TRDN: variants seen among roughly 807,000 people sequenced by gnomAD.
TRDN encodes the protein triadin, also known as triadin in skeletal muscle.
In TRDN, 161 loss-of-function variants were observed where a neutral mutation model predicts 149.7. The observed-to-expected ratio is 1.08, with a 90% CI of 0.95 to 1.23. The LOEUF (loss-of-function observed/expected upper bound fraction) is 1.23. Ranked by LOEUF, TRDN falls within the 50% of genes most tolerant of loss-of-function variation. TRDN has a pLI of 0.00. For synonymous variants in TRDN, 294 were observed against 250.5 expected, an observed-to-expected ratio of 1.17 and a Z score of -1.64; for missense variants, 896 against 823.5, an observed-to-expected ratio of 1.09 and a Z score of -1.08.
chr6:123,438,193 T>A, intron 11 of TRDN, 71 bp from the exon 12 acceptor site: 1 of 1,056,464 alleles, frequency 9.5e-7, no homozygotes, highest in Non-Finnish European at 1.4e-6. Flanking sequence ...CATGCATGAC[T>A]ACCAGTGAGG....
In TRDN at chr6:123,377,640, C is replaced by T. The variant is rs953559899; in HGVS notation, c.1246+76G>A. 7.7e-6 allele frequency: 12 copies of T among 1,557,798 alleles called. No homozygotes were observed. The African/African-American group carries it at 1.5e-4, about 19-fold the overall frequency. On this transcript the variant is annotated intron_variant, in intron 18 of 40. Transcript: ENST00000334268. ...CCCACCCTTTACTGGCGCTGCCTTACCACCTGTTTGAGGCTACAGCATTAA... is the reference window on the plus strand; with the variant it reads ...CCCACCCTTTACTGGCGCTGCCTTATCACCTGTTTGAGGCTACAGCATTAA...
chr6:123,594,850 A>G (rs1298271578), intron 1 of TRDN, among the ~76,000 whole-genome samples: 1 of 152,006 alleles, frequency 6.6e-6, no homozygotes, highest in Non-Finnish European at 1.5e-5. Flanking sequence ...ATCCTGAGAA[A>G]TTCTAAGTTG....
At chr6:123,422,390 G>T (rs1240641253) in intron 12 of TRDN, among the ~76,000 whole-genome samples, 1 of 152,058 alleles carries the variant, frequency 6.6e-6, no homozygotes, top group African/African-American at 2.4e-5. Flanking sequence ...TTGTTACAAG[G>T]TATAGAGTTT....
At chr6:123,285,409 C>T (rs1777768011) in intron 24 of TRDN, among the ~76,000 whole-genome samples, 1 of 151,756 alleles carries the variant, frequency 6.6e-6, no homozygotes. Context: ...TTGCTTTTGA[C>T]AAAGCAAAGT....
intron 38 of TRDN, among the ~76,000 whole-genome samples, chr6:123,247,386 G>A (rs1394972692): frequency 6.6e-6 from 1 of 152,164 alleles, no homozygotes; most frequent in Admixed American, 6.6e-5. Context: ...TAGCTAATAA[G>A]CAACTTCTGC....
intron 23 of TRDN, among the ~76,000 whole-genome samples, chr6:123,320,863 G>A (rs62418755): frequency 0.027 from 4,134 of 151,000 alleles, 107 homozygotes; most frequent in South Asian, 0.09. Context: ...ATCATGAATC[G>A]TATTATATAG....
chr6:123,323,007 C>T (rs1266604671), intron 23 of TRDN, among the ~76,000 whole-genome samples: 1 of 152,042 alleles, frequency 6.6e-6, no homozygotes. Context: ...ATCTTTGGAG[C>T]CTCACTGCCT....
chr6:123,438,963 A>G lies in TRDN; in HGVS notation c.972T>C (p.Thr324=). 1.3e-6 allele frequency: 2 copies of G among 1,562,026 alleles called. No individual in the cohort carries two copies. The highest frequency in any genetic ancestry group is 1.7e-6 in the Non-Finnish European group (2 of 1,151,820). ...GEKKKAEKKV[T]SETKKKEKED... Reference sequence around the variant, plus strand: ...TCCTACCTTTCTTTTTTGTTTCAGAAGTAACTTTCTTCTCAGCCTTCTTCT... The same window carrying G: ...TCCTACCTTTCTTTTTTGTTTCAGAGGTAACTTTCTTCTCAGCCTTCTTCT... Residue 324 remains threonine, a synonymous_variant, in exon 11 of 41, where the codon ACT becomes ACC. Transcript: ENST00000334268.
chr6:123,465,307 A>G (rs1462403900), intron 9 of TRDN, among the ~76,000 whole-genome samples: 1 of 152,124 alleles, frequency 6.6e-6, no homozygotes, highest in Non-Finnish European at 1.5e-5. Context: ...ATACACACTA[A>G]GTTATGGAAA....
chr6:123,372,585 G>A (rs1410560430), intron 19 of TRDN, among the ~76,000 whole-genome samples: 1 of 152,032 alleles, frequency 6.6e-6, no homozygotes, highest in East Asian at 1.9e-4. Context: ...AGGTCCTTGA[G>A]GTGGAATAAA....
intron 6 of TRDN, among the ~76,000 whole-genome samples, chr6:123,512,762 T>C (rs570865309): frequency 6.6e-6 from 1 of 151,434 alleles, no homozygotes; most frequent in South Asian, 2.1e-4. Context: ...TCATACATTT[T>C]TCAATATTTA....
At chr6:123,447,251 C>T (rs957442008) in intron 10 of TRDN, among the ~76,000 whole-genome samples, 7 of 152,204 alleles carry the variant, frequency 4.6e-5, no homozygotes, top group South Asian at 2.1e-4. Context: ...TTTAGTCATA[C>T]AATTTATTCA....
intron 9 of TRDN, among the ~76,000 whole-genome samples, chr6:123,493,572 T>G (rs762260797): frequency 6.6e-6 from 1 of 152,112 alleles, no homozygotes; most frequent in Non-Finnish European, 1.5e-5. Flanking sequence ...GGTGTGACAG[T>G]ACAAAGGAAA....
chr6:123,562,994 T>A (rs1272589730), intron 2 of TRDN, among the ~76,000 whole-genome samples: 1 of 152,214 alleles, frequency 6.6e-6, no homozygotes, highest in Non-Finnish European at 1.5e-5. Flanking sequence ...TCAACTGAAA[T>A]TTTTCCACAC....
chr6:123,456,675 C>T lies in TRDN; in HGVS notation c.931+8231G>A, dbSNP rs149503595. Among the ~76,000 whole-genome samples the T allele has an allele frequency of 5.4e-3, 817 of 152,130 alleles. 6 individuals are homozygous for T. The highest frequency in any genetic ancestry group is 0.018 in the African/African-American group (760 of 41,528). On this transcript the variant is annotated intron_variant, in intron 10 of 40. Transcript: ENST00000334268. ...GTAGAGATAGGGTTTCGCCATGTTG[C>T]CCAGGCTGGTCTCTAACTCCTGAGC... is the stretch of plus-strand genomic sequence containing the variant.
intron 1 of TRDN, chr6:123,584,084 G>C (rs1460418878): frequency 6.5e-6 from 1 of 152,790 alleles, no homozygotes; most frequent in Non-Finnish European, 1.5e-5. Context: ...CAGGAAAGAA[G>C]GAAATATGGG....
At chr6:123,502,985 C>T in intron 8 of TRDN, 1 of 985,178 alleles carries the variant, frequency 1.0e-6, no homozygotes, top group Non-Finnish European at 1.2e-6. Flanking sequence ...ACCTTCAGCT[C>T]TGTATATTCA....
intron 1 of TRDN, among the ~76,000 whole-genome samples, chr6:123,618,456 C>T (rs550050598): frequency 1.3e-5 from 2 of 152,286 alleles, no homozygotes; most frequent in South Asian, 4.1e-4. Flanking sequence ...TTATTGGGCC[C>T]ACCCAGATAA....
chr6:123,275,135 T>C (rs1191039964), intron 26 of TRDN, among the ~76,000 whole-genome samples: 1 of 152,126 alleles, frequency 6.6e-6, no homozygotes, highest in Non-Finnish European at 1.5e-5. Flanking sequence ...AGACAAATAA[T>C]GTTATGGCTC....
Sources: allele counts gnomAD v4.1 joint callset (sites outside exome capture counted in the v4.1 genomes callset), GRCh38; gene constraint gnomAD v4.1.1; transcripts MANE v1.5; gene names NCBI Gene and HGNC (gene_info 2026-07-23, HGNC 2026-07-21).